RFLNA: variants seen among roughly 807,000 people sequenced by gnomAD.
RFLNA encodes the protein refilin A.
RFLNA carries 5 observed loss-of-function variants against 7.8 expected under a neutral mutation model. The observed-to-expected ratio is 0.64, with a 90% CI of 0.34 to 1.35. RFLNA has a LOEUF of 1.35. Among genes scored for constraint, RFLNA ranks in the 40% most tolerant of loss-of-function variants. RFLNA has a pLI of 0.04. For missense variants in RFLNA, 278 were observed against 305.5 expected (o/e 0.91, Z 0.67); for synonymous variants, 141 against 131.3 (o/e 1.07, Z -0.50).
chr12:124,294,678 G>C (rs1199760223), upstream of RFLNA, among the ~76,000 whole-genome samples: 5 of 152,190 alleles, frequency 3.3e-5, no homozygotes, highest in Non-Finnish European at 5.9e-5. Context: ...GCGGGTAACC[G>C]AGACGCCAGT....
intron 1 of RFLNA, among the ~76,000 whole-genome samples, chr12:124,301,260 C>G (rs1434997434): frequency 6.6e-6 from 1 of 152,224 alleles, no homozygotes; most frequent in African/African-American, 2.4e-5. Flanking sequence ...AGTGGAAATT[C>G]AGCAAAGTGT....
At chr12:124,312,800 ACGCATATG>A (rs1386839087) in intron 2 of RFLNA, among the ~76,000 whole-genome samples, 1 of 758 alleles carries the variant, frequency 1.3e-3, no homozygotes, top group East Asian at 0.038. Flanking sequence ...CATGCATATG[ACGCATATG>A]ACATCTTAGG....
intron 2 of RFLNA, 26 bp downstream of exon 2, chr12:124,311,953 G>A (rs369101004): frequency 3.5e-5 from 55 of 1,554,350 alleles, no homozygotes; most frequent in Middle Eastern, 1.9e-4. Flanking sequence ...GGCTCTGCGC[G>A]GGAGGAGGGG....
At chr12:124,314,057 T>G in intron 2 of RFLNA, 135 bp from the exon 3 acceptor site, 2 of 1,195,588 alleles carry the variant, frequency 1.7e-6, no homozygotes, top group Non-Finnish European at 1.1e-6. Context: ...CTTCTTGACC[T>G]TGACATTTCA....
chr12:124,298,716 T>C (rs1263072097), intron 1 of RFLNA, among the ~76,000 whole-genome samples: 1 of 152,216 alleles, frequency 6.6e-6, no homozygotes, highest in Non-Finnish European at 1.5e-5. Flanking sequence ...GATGGAGAAG[T>C]GTCCTTAAGG....
chr12:124,298,081 C>A (rs1026263191), intron 1 of RFLNA, among the ~76,000 whole-genome samples: 3 of 152,224 alleles, frequency 2.0e-5, no homozygotes, highest in Non-Finnish European at 2.9e-5. Flanking sequence ...CAGGTTCAGA[C>A]CGCGTTTGGC....
chr12:124,305,255 C>G (rs1168359625), intron 1 of RFLNA, among the ~76,000 whole-genome samples: 1 of 152,230 alleles, frequency 6.6e-6, no homozygotes, highest in African/African-American at 2.4e-5. Flanking sequence ...TGCGGGCCCA[C>G]TGGCACCCAG....
chr12:124,295,746 T>A, intron 1 of RFLNA, 110 bp downstream of exon 1: 3 of 1,100,346 alleles, frequency 2.7e-6, no homozygotes, highest in Non-Finnish European at 3.5e-6. Context: ...CTCCTCTACC[T>A]GCCCCGCAAC....
Position 124,311,845 on chromosome 12 carries a change from G to C in RFLNA, c.235G>C (p.Ala79Pro). ...CCCCTCCCAACTCCCAAATCCCCCG[G>C]CGTCGGAGATGAGGCCCCGGATGCT... ...APPSQLPNPP[A>P]SEMRPRMLPV... The change falls in exon 2 of 3, where the codon GCG becomes CCG. Residue 79 changes from alanine (A) to proline (P), a missense_variant. Coordinates refer to ENST00000546355, the MANE Select transcript of RFLNA (RefSeq NM_001365156.1). 1 of 1,599,386 alleles carries C rather than the reference G, an allele frequency of 6.3e-7. No individual in the cohort carries two copies. Among genetic ancestry groups the C allele is most frequent in the Non-Finnish European group, 8.5e-7 (1 of 1,173,536 alleles).
chr12:124,297,688 G>C (rs910265906), intron 1 of RFLNA, among the ~76,000 whole-genome samples: 2 of 15,658 alleles, frequency 1.3e-4, no homozygotes, highest in Non-Finnish European at 3.4e-4. Flanking sequence ...TTAACTACCT[G>C]TGATTTTTTT....
chr12:124,289,848 T>A lies in RFLNA; in HGVS notation c.-37+478T>A, dbSNP rs1242932794. ...TGCGACTCCCCGGGGCAGGGAGGCATCCCTGGGCCAGGCACTAGGACCTGG... is the reference window on the plus strand; with the variant it reads ...TGCGACTCCCCGGGGCAGGGAGGCAACCCTGGGCCAGGCACTAGGACCTGG... On this transcript the variant is annotated intron_variant, in intron 1 of 2. Coordinates refer to the RFLNA transcript ENST00000324038. The surrounding 1 kb of genome is among the most constrained non-coding windows in gnomAD (Gnocchi z 5.0). 6.6e-6 allele frequency among the ~76,000 whole-genome samples: 1 copy of A among 152,094 alleles called. No individual in the cohort carries two copies. The highest frequency in any genetic ancestry group is 1.5e-5 in the Non-Finnish European group (1 of 68,010).
chr12:124,296,092 CTTTCTTTCTTTCTTTCTT>C, intron 1 of RFLNA, among the ~76,000 whole-genome samples: 1 of 5,928 alleles, frequency 1.7e-4, no homozygotes, highest in African/African-American at 2.8e-4. Context: ...TTCTTTCTTT[CTTTCTTTCTTTCTTTCTT>C]TCTTTCTTTC....
chr12:124,296,492 C>T (rs1290362180), intron 1 of RFLNA, among the ~76,000 whole-genome samples: 1 of 152,096 alleles, frequency 6.6e-6, no homozygotes, highest in Non-Finnish European at 1.5e-5. Context: ...CATCCCTGCC[C>T]GCTCTCTGGC....
chr12:124,301,240 A>C (rs1249550360), intron 1 of RFLNA, among the ~76,000 whole-genome samples: 1 of 152,186 alleles, frequency 6.6e-6, no homozygotes, highest in Admixed American at 6.5e-5. Flanking sequence ...TCCCGGGTGA[A>C]CTGGCCTCCA....
chr12:124,314,082 C>T lies in RFLNA; in HGVS notation c.318-110C>T, dbSNP rs1466321433. ...TTGACATTTCAGAGCAGCCCACACC[C>T]GTTAGGCTTCAGAGCATCTGCCCAG... On this transcript the variant is annotated intron_variant, in intron 2 of 2. Coordinates refer to ENST00000546355, the MANE Select transcript of RFLNA (RefSeq NM_001365156.1). 26 of 1,367,402 alleles carry T rather than the reference C, an allele frequency of 1.9e-5. No individual in the cohort carries two copies. The East Asian group carries it at 3.5e-4, about 19-fold the overall frequency. The allele number at this position is 1,367,402 out of a possible 1,614,324, so 84.7% of individuals were successfully genotyped here.
At chr12:124,290,873 C>T (rs944950793), upstream of RFLNA, among the ~76,000 whole-genome samples, 1 of 152,178 alleles carries the variant, frequency 6.6e-6, no homozygotes, top group Non-Finnish European at 1.5e-5. This position sits in a 1 kb window ranked among gnomAD's most constrained non-coding sequence, Gnocchi z 4.0. Context: ...AGGCCAATTG[C>T]CCAGATCACA....
In RFLNA at chr12:124,296,116, CTT is replaced by C. The variant is rs1356633334; in HGVS notation, c.207+482_207+483del. On this transcript the variant is annotated intron_variant, in intron 1 of 2. Coordinates refer to ENST00000546355, the MANE Select transcript of RFLNA (RefSeq NM_001365156.1). The stretch of plus-strand genomic sequence containing the variant: ...TCTTTCTTTCTTTCTTTCTTTCTTT[CTT>C]TCTTTCTCTCTCTCTCTCTCTTCTT... Among the ~76,000 whole-genome samples, 5 of 3,672 alleles carry C rather than the reference CTT, an allele frequency of 1.4e-3. No individual in the cohort carries two copies. The Non-Finnish European group carries it at 0.029, about 21-fold the overall frequency. The allele number at this position is 3,672 out of a possible 152,430, so 2.4% of individuals were successfully genotyped here. A position where few individuals can be genotyped will look rare whatever the true frequency, so the allele number is the denominator to read the frequency against.
At chr12:124,310,528 G>GTCCTTAGGCC (rs1190308095) in intron 1 of RFLNA, among the ~76,000 whole-genome samples, 22 of 52,924 alleles carry the variant, frequency 4.2e-4, no homozygotes, top group South Asian at 1.4e-3. Flanking sequence ...GGGGGAGGTG[G>GTCCTTAGGCC]ACTGCAGGAT....
intron 1 of RFLNA, among the ~76,000 whole-genome samples, chr12:124,310,172 CAAAAAAAAAAAAA>C (rs71088996): frequency 5.9e-5 from 1 of 17,090 alleles, no homozygotes; most frequent in Non-Finnish European, 1.2e-4. Context: ...GACTCTGTCT[CAAAAAAAAAAAAA>C]AAAAAAAAAA....
Sources: gnomAD v4.1 joint callset for allele counts (sites outside exome capture counted in the v4.1 genomes callset) on GRCh38, gnomAD v4.1.1 for gene constraint, Gnocchi (gnomAD v3.1) non-coding constraint, MANE v1.5 for transcripts, NCBI Gene and HGNC (gene_info 2026-07-23, HGNC 2026-07-21) for gene names.